SLC38A2: variants seen among roughly 807,000 people sequenced by gnomAD.
The protein encoded by SLC38A2 is solute carrier family 38 member 2.
SLC38A2 carries 11 observed loss-of-function variants against 61.5 expected under a neutral mutation model. The observed-to-expected ratio is 0.18, with a 90% CI of 0.11 to 0.30. SLC38A2 has a LOEUF of 0.30. SLC38A2 is among the 10% of genes least tolerant of loss of function. The probability of loss-of-function intolerance (pLI) is 1.00; values close to 1 mark genes in which losing one functional copy is unlikely to be tolerated. For synonymous variants in SLC38A2, 217 were observed against 212.5 expected (o/e 1.02, Z -0.18); for missense variants, 522 against 600.4 (o/e 0.87, Z 1.36).
In SLC38A2 at chr12:46,364,478, T is replaced by A. The variant is rs1237275225; in HGVS notation, c.784A>T (p.Thr262Ser). Residue 262 changes from threonine (T) to serine (S), a missense_variant, in exon 10 of 16, where the codon ACA becomes TCA. Thr to Ser is a moderately conservative substitution (Grantham distance 58, BLOSUM62 1). Around this residue, in one of 3 missense-constraint regions of SLC38A2, gnomAD observed 309 missense variants for 343.9 expected, o/e 0.90. Coordinates refer to ENST00000256689, the MANE Select transcript of SLC38A2 (RefSeq NM_018976.5). ...IINETINTTLTQPTALVPALS... is the reference protein window; with the variant it reads ...IINETINTTLSQPTALVPALS... ...GCAGGTACAAGAGCTGTTGGCTGTGTTAAGGTGGTGTTTATTGTTTCGTTA... is the reference window on the plus strand; with the variant it reads ...GCAGGTACAAGAGCTGTTGGCTGTGATAAGGTGGTGTTTATTGTTTCGTTA... 1.9e-6 allele frequency: 3 copies of A among 1,612,990 alleles called. No homozygotes were observed. In the African/African-American group the frequency reaches 4.0e-5, roughly 22 times the overall value.
chr12:46,362,727 AG>A, intron 13 of SLC38A2, 89 bp from the exon 14 acceptor site: 1 of 1,346,044 alleles, frequency 7.4e-7, no homozygotes, highest in Non-Finnish European at 9.9e-7. Flanking sequence ...AGAATGCCCA[AG>A]TAACAAGGAA....
chr12:46,363,448 A>T (rs1216165406), intron 12 of SLC38A2, among the ~76,000 whole-genome samples: 2 of 152,050 alleles, frequency 1.3e-5, no homozygotes, highest in East Asian at 3.8e-4. Context: ...AGGTGATGGG[A>T]GAGGAGACAG....
At position 46,363,139 on chromosome 12, in the gene SLC38A2, A is replaced by G. The variant is rs752132890; in HGVS notation, c.1061T>C (p.Val354Ala). The change falls in exon 13 of 16, where the codon GTT (valine) becomes GCT (alanine). Residue 354 changes from valine (V) to alanine (A), a missense_variant. Around this residue, in one of 3 missense-constraint regions of SLC38A2, gnomAD observed 309 missense variants for 343.9 expected, o/e 0.90. Coordinates refer to ENST00000256689, the MANE Select transcript of SLC38A2 (RefSeq NM_018976.5). ...LFGYLTFYEH[V>A]ESELLHTYSS... Reference sequence around the variant, plus strand: ...GTAGGTATGAAGCAATTCTGACTCAACATGTTCTACAGGGAAAGACCAAAA... The same window carrying G: ...GTAGGTATGAAGCAATTCTGACTCAGCATGTTCTACAGGGAAAGACCAAAA... The G allele has an allele frequency of 6.2e-7, 1 of 1,612,310 alleles. No homozygotes were observed. Among genetic ancestry groups the G allele is most frequent in the Non-Finnish European group, 8.5e-7 (1 of 1,178,750 alleles).
chr12:46,367,579 A>G (rs559742918), intron 4 of SLC38A2, among the ~76,000 whole-genome samples: 1 of 152,326 alleles, frequency 6.6e-6, no homozygotes, highest in South Asian at 2.1e-4. Flanking sequence ...AGGAACAAGG[A>G]TGTCTACCCA....
chr12:46,370,438 A>C, intron 4 of SLC38A2, 74 bp downstream of exon 4: 1 of 1,119,500 alleles, frequency 8.9e-7, no homozygotes, highest in East Asian at 2.4e-5. Flanking sequence ...CTGTAAATTC[A>C]GTTTCTGGAG....
In SLC38A2 at chr12:46,359,632, C is replaced by T. The variant is rs1246948483; in HGVS notation, c.*1479G>A. 6.6e-6 allele frequency: 1 copy of T among 152,434 alleles called. No homozygotes were observed. The highest frequency in any genetic ancestry group is 1.9e-4 in the East Asian group (1 of 5,196). The allele number at this position is 152,434 out of a possible 1,614,324, so 9.4% of individuals were successfully genotyped here. The stretch of plus-strand genomic sequence containing the variant: ...GACATTATGCCTGATGAGCGAAGTA[C>T]CACATTATTTAATAATATATTCACC... On this transcript the variant is annotated 3_prime_UTR_variant, in exon 16 of 16. Coordinates refer to ENST00000256689, the MANE Select transcript of SLC38A2 (RefSeq NM_018976.5).
Position 46,372,674 on chromosome 12 carries a change from G to T in SLC38A2, c.-252C>A, listed in dbSNP as rs1042430809. 2 of 398,402 alleles carry T rather than the reference G, an allele frequency of 5.0e-6. No individual in the cohort carries two copies. The highest frequency in any genetic ancestry group is 4.4e-5 in the Admixed American group (1 of 22,718). 24.7% of individuals were successfully genotyped at this position (398,402 alleles called of 1,614,324 possible). A position where few individuals can be genotyped will look rare whatever the true frequency, so the allele number is the denominator to read the frequency against. ...TTGCCGCCCCAATCCTCCGGCGTCC[G>T]CCGTGTCAAGGGAAAGGCGCGAGCG... On this transcript the variant is annotated 5_prime_UTR_variant, in exon 1 of 16. Transcript: ENST00000256689.
intron 1 of SLC38A2, 99 bp downstream of exon 1, chr12:46,372,410 C>T (rs1444485401): frequency 3.0e-6 from 1 of 331,946 alleles, no homozygotes; most frequent in Non-Finnish European, 5.4e-6. Flanking sequence ...GGAAACGGAC[C>T]CCGCGGCCGC....
intron 12 of SLC38A2, among the ~76,000 whole-genome samples, chr12:46,363,418 GTT>G: frequency 6.6e-6 from 1 of 152,186 alleles, no homozygotes; most frequent in African/African-American, 2.4e-5. Flanking sequence ...TGCAATTTGT[GTT>G]TGTGTTACAT....
rs377718740 is a variant in SLC38A2 at position 46,371,282 on chromosome 12, G to A, written c.12C>T (p.Ala4=). 3.1e-6 allele frequency: 5 copies of A among 1,614,028 alleles called. No individual in the cohort carries two copies. Among genetic ancestry groups the A allele is most frequent in the African/African-American group, 2.7e-5 (2 of 74,926 alleles). The part of the protein sequence containing the change: MKK[A]EMGRFSISPD... Reference sequence around the variant, plus strand: ...GGGAAATACTGAATCGTCCCATTTCGGCCTTCTTCATGCTAAGCACTGGGA... The same window carrying A: ...GGGAAATACTGAATCGTCCCATTTCAGCCTTCTTCATGCTAAGCACTGGGA... Residue 4 remains alanine (A), a synonymous_variant, in exon 2 of 16, where the codon GCC becomes GCT. Transcript: ENST00000256689.
chr12:46,358,533 T>C lies in SLC38A2; in HGVS notation c.*2578A>G, dbSNP rs1943046380. 6.6e-6 allele frequency: 1 copy of C among 152,640 alleles called. No individual in the cohort carries two copies. The allele number at this position is 152,640 out of a possible 1,614,324, so 9.5% of individuals were successfully genotyped here. On this transcript the variant is annotated 3_prime_UTR_variant, in exon 16 of 16. Coordinates refer to ENST00000256689, the MANE Select transcript of SLC38A2 (RefSeq NM_018976.5). ...GCAAATACAATTTAAACAAGTTTTT[T>C]TTAGTGTTTGTACACAATTTGTCAA...
At chr12:46,367,986 C>A (rs577651779) in intron 4 of SLC38A2, among the ~76,000 whole-genome samples, 1 of 152,112 alleles carries the variant, frequency 6.6e-6, no homozygotes, top group East Asian at 1.9e-4. Flanking sequence ...GAAGGAAAAA[C>A]AAAAAGCCAG....
Position 46,367,160 on chromosome 12 carries a change from A to G in SLC38A2, c.397T>C (p.Leu133=). Residue 133 remains leucine, a synonymous_variant, in exon 6 of 16, where the codon TTA becomes CTA. Coordinates refer to ENST00000256689, the MANE Select transcript of SLC38A2 (RefSeq NM_018976.5). ...LKTANEGGSL[L]YEQLGYKAFG... Reference sequence around the variant, plus strand: ...GCCTTATATCCCAATTGTTCATATAATAAAGACCCTACAATTTGAAGACAG... The same window carrying G: ...GCCTTATATCCCAATTGTTCATATAGTAAAGACCCTACAATTTGAAGACAG... The G allele has an allele frequency of 6.2e-7, 1 of 1,613,264 alleles. No individual in the cohort carries two copies. Among genetic ancestry groups the G allele is most frequent in the Non-Finnish European group, 8.5e-7 (1 of 1,179,296 alleles).
Position 46,366,997 on chromosome 12 carries a change from A to T in SLC38A2, c.482-52T>A, listed in dbSNP as rs549763785. On this transcript the variant is annotated intron_variant, in intron 6 of 15. Coordinates refer to ENST00000256689, the MANE Select transcript of SLC38A2 (RefSeq NM_018976.5). Reference sequence around the variant, plus strand: ...ACAAGTGCAAAACGCGGCACGTGACACTAAAACGCATGTGTCACCATTCTG... The same window carrying T: ...ACAAGTGCAAAACGCGGCACGTGACTCTAAAACGCATGTGTCACCATTCTG... 1.2e-5 allele frequency: 19 copies of T among 1,606,454 alleles called. No homozygotes were observed. The South Asian group carries it at 1.9e-4, about 16-fold the overall frequency.
rs1943195328 is a variant in SLC38A2 at position 46,371,295 on chromosome 12, C to T, written c.-2G>A. 6.2e-7 allele frequency: 1 copy of T among 1,613,344 alleles called. No individual in the cohort carries two copies. Among genetic ancestry groups the T allele is most frequent in the Middle Eastern group, 1.7e-4 (1 of 6,056 alleles). ...TCGTCCCATTTCGGCCTTCTTCATGCTAAGCACTGGGAGGAATCGGGTGCA... is the reference window on the plus strand; with the variant it reads ...TCGTCCCATTTCGGCCTTCTTCATGTTAAGCACTGGGAGGAATCGGGTGCA... On this transcript the variant is annotated 5_prime_UTR_variant, in exon 2 of 16. Coordinates refer to ENST00000256689, the MANE Select transcript of SLC38A2 (RefSeq NM_018976.5).
rs1943045654 is a variant in SLC38A2 at position 46,358,495 on chromosome 12, G to C, written c.*2616C>G. ...GTACCAAGATTTCATGAAAAAATTT[G>C]ATGTTGTTTATTGCAAATACAATTT... is the stretch of plus-strand genomic sequence containing the variant. On this transcript the variant is annotated 3_prime_UTR_variant, in exon 16 of 16. Coordinates refer to ENST00000256689, the MANE Select transcript of SLC38A2 (RefSeq NM_018976.5). 6.6e-6 allele frequency: 1 copy of C among 152,522 alleles called. No individual in the cohort carries two copies. 9.4% of individuals were successfully genotyped at this position (152,522 alleles called of 1,614,324 possible).
At chr12:46,366,724 A>T in intron 7 of SLC38A2, 140 bp downstream of exon 7, 1 of 740,084 alleles carries the variant, frequency 1.4e-6, no homozygotes, top group Non-Finnish European at 2.1e-6. Flanking sequence ...GTTTACGGGG[A>T]TGGGGGGCCT....
chr12:46,368,268 G>A (rs933130231), intron 4 of SLC38A2, among the ~76,000 whole-genome samples: 8 of 152,194 alleles, frequency 5.3e-5, no homozygotes, highest in African/African-American at 1.7e-4. Flanking sequence ...CCCATGGCAA[G>A]GAATACAGGC....
intron 4 of SLC38A2, 37 bp from the exon 5 acceptor site, chr12:46,367,377 A>T: frequency 9.3e-7 from 1 of 1,073,452 alleles, no homozygotes; most frequent in African/African-American, 1.6e-5. Flanking sequence ...GTTATAAATA[A>T]GCATGGCTAT....
Sources: allele counts gnomAD v4.1 joint callset (sites outside exome capture counted in the v4.1 genomes callset), GRCh38; gene constraint gnomAD v4.1.1; regional missense constraint gnomAD v4.1.1; transcripts MANE v1.5; gene names NCBI Gene and HGNC (gene_info 2026-07-23, HGNC 2026-07-21).